Variants in TOX3 observed in about 807,000 individuals in gnomAD.
TOX3 encodes CAG trinucleotide repeat-containing gene F9 protein.
A neutral mutation model predicts 64.3 loss-of-function variants in TOX3; 22 were observed. That is an observed-to-expected ratio of 0.34 (90% confidence interval 0.24 to 0.49). The LOEUF (loss-of-function observed/expected upper bound fraction) is 0.49. Among genes scored for constraint, TOX3 ranks in the 20% least tolerant of loss-of-function variants. TOX3 has a pLI of 0.99. For missense variants in TOX3, 661 were observed against 714.4 expected, an observed-to-expected ratio of 0.93 and a Z score of 0.85; for synonymous variants, 291 against 273.6, an observed-to-expected ratio of 1.06 and a Z score of -0.63.
rs745337464 is a variant in TOX3 at position 52,464,114 on chromosome 16, G to A, written c.228C>T (p.Asp76=). 1 of 1,595,104 alleles carries A rather than the reference G, an allele frequency of 6.3e-7. No homozygotes were observed. The highest frequency in any genetic ancestry group is 1.8e-5 in the Admixed American group (1 of 56,954). The change falls in exon 3 of 7, where the codon GAC becomes GAT. Residue 76 remains aspartate, a synonymous_variant. Coordinates refer to ENST00000219746, the MANE Select transcript of TOX3 (RefSeq NM_001080430.4). ...GTACATCCGGCATGCCTAGGGCAGG[G>A]TCTGACTCTGGAGGAGGCGTGATTG... ...IPPITPPPES[D]PALGMPDVLL... is the part of the protein sequence containing the mutation.
At chr16:52,480,047 G>A (rs1397400380) in intron 1 of TOX3, among the ~76,000 whole-genome samples, 2 of 152,164 alleles carry the variant, frequency 1.3e-5, no homozygotes, top group African/African-American at 4.8e-5. Context: ...TCCCATTTCA[G>A]TGTCTGTCTC....
chr16:52,452,367 T>C (rs1196173006), intron 3 of TOX3, among the ~76,000 whole-genome samples: 2 of 152,306 alleles, frequency 1.3e-5, no homozygotes, highest in East Asian at 1.9e-4. Context: ...GATAGATTGC[T>C]GAGAACAATG....
chr16:52,469,286 G>A (rs149563876), intron 1 of TOX3, among the ~76,000 whole-genome samples: 4 of 152,264 alleles, frequency 2.6e-5, no homozygotes, highest in South Asian at 4.1e-4. Context: ...AAATAAGACC[G>A]TATCAGCATT....
intron 1 of TOX3, among the ~76,000 whole-genome samples, chr16:52,531,651 T>C (rs548257637): frequency 2.6e-4 from 40 of 152,288 alleles, no homozygotes; most frequent in African/African-American, 9.4e-4. Context: ...TAAAAAATTA[T>C]AAATAATAGC....
chr16:52,467,959 T>C (rs1960918225), intron 2 of TOX3, among the ~76,000 whole-genome samples: 1 of 152,182 alleles, frequency 6.6e-6, no homozygotes, highest in South Asian at 2.1e-4. Context: ...TAAATATTTA[T>C]TGAGCACCTA....
At chr16:52,459,291 A>C (rs187952306) in intron 3 of TOX3, among the ~76,000 whole-genome samples, 1 of 152,202 alleles carries the variant, frequency 6.6e-6, no homozygotes. Context: ...CCTGAGTGAC[A>C]GAGTAAGATC....
chr16:52,523,068 C>T lies in TOX3; in HGVS notation c.87+23569G>A, dbSNP rs186690938. On this transcript the variant is annotated intron_variant, in intron 1 of 6. Coordinates refer to ENST00000219746, the MANE Select transcript of TOX3 (RefSeq NM_001080430.4). ...AGGGAATGTTGAATGGTAGTAAGTG[C>T]CTGGAGAAAACGGAAGCAAGGCAGG... Among the ~76,000 whole-genome samples the T allele has an allele frequency of 3.4e-4, 51 of 152,192 alleles. 1 individual carries two copies. Among genetic ancestry groups the T allele is most frequent in the African/African-American group, 1.2e-3 (50 of 41,506 alleles).
intron 1 of TOX3, among the ~76,000 whole-genome samples, chr16:52,517,992 T>C (rs910712298): frequency 3.9e-5 from 6 of 152,090 alleles, no homozygotes; most frequent in Non-Finnish European, 7.4e-5. Context: ...AGATGGAGTA[T>C]ACTAAATACA....
chr16:52,522,698 A>T (rs1962637021), intron 1 of TOX3, among the ~76,000 whole-genome samples: 2 of 152,272 alleles, frequency 1.3e-5, no homozygotes, highest in South Asian at 2.1e-4. Flanking sequence ...CAACAGGGAG[A>T]GTCCCAGGAA....
At chr16:52,535,362 C>CAT (rs1962925496) in intron 1 of TOX3, among the ~76,000 whole-genome samples, 1 of 152,168 alleles carries the variant, frequency 6.6e-6, no homozygotes, top group African/African-American at 2.4e-5. Flanking sequence ...GAGATATAAG[C>CAT]AAAGTGGCAT....
intron 1 of TOX3, among the ~76,000 whole-genome samples, chr16:52,519,794 C>CA (rs78537663): frequency 3.9e-4 from 58 of 147,306 alleles, no homozygotes; most frequent in African/African-American, 7.4e-4. Context: ...CTTATCTCTA[C>CA]AAAAAAAAAA....
intron 1 of TOX3, among the ~76,000 whole-genome samples, chr16:52,533,814 G>A (rs1234847678): frequency 1.3e-5 from 2 of 152,176 alleles, no homozygotes; most frequent in Non-Finnish European, 2.9e-5. Context: ...AGACATCTGG[G>A]CACATTTGAA....
chr16:52,452,200 A>G (rs1960371427), intron 3 of TOX3, among the ~76,000 whole-genome samples: 1 of 152,214 alleles, frequency 6.6e-6, no homozygotes, highest in African/African-American at 2.4e-5. Context: ...TTACATTATA[A>G]GGGGTAGAAT....
At chr16:52,506,553 T>G (rs1475091504) in intron 1 of TOX3, among the ~76,000 whole-genome samples, 1 of 150,732 alleles carries the variant, frequency 6.6e-6, no homozygotes, top group Non-Finnish European at 1.5e-5. Context: ...AGAAGGGGGG[T>G]TTCTAGACAG....
At chr16:52,521,079 T>C (rs1228116217) in intron 1 of TOX3, among the ~76,000 whole-genome samples, 1 of 152,198 alleles carries the variant, frequency 6.6e-6, no homozygotes, top group Non-Finnish European at 1.5e-5. Flanking sequence ...GGGTCCTGTA[T>C]GATCTCCTCC....
intron 1 of TOX3, among the ~76,000 whole-genome samples, chr16:52,525,888 C>T (rs983321004): frequency 1.3e-5 from 2 of 152,078 alleles, no homozygotes; most frequent in African/African-American, 2.4e-5. Context: ...TACTTGTTAC[C>T]GTTTTTAAAT....
chr16:52,509,099 C>T (rs1440402322), intron 1 of TOX3, among the ~76,000 whole-genome samples: 2 of 152,126 alleles, frequency 1.3e-5, no homozygotes, highest in Admixed American at 6.5e-5. Flanking sequence ...GTTGCAAATA[C>T]AAATAAATGC....
At chr16:52,460,486 A>T (rs182181726) in intron 3 of TOX3, among the ~76,000 whole-genome samples, 6 of 152,194 alleles carry the variant, frequency 3.9e-5, no homozygotes. Flanking sequence ...TTTTCATTCA[A>T]TCAGCACTAC....
intron 4 of TOX3, among the ~76,000 whole-genome samples, chr16:52,447,117 C>T (rs998417650): frequency 1.3e-5 from 2 of 152,116 alleles, no homozygotes; most frequent in Non-Finnish European, 2.9e-5. Flanking sequence ...CCATACTCAC[C>T]AGCTACCACC....
Sources: allele counts gnomAD v4.1 joint callset (sites outside exome capture counted in the v4.1 genomes callset), GRCh38; gene constraint gnomAD v4.1.1; transcripts MANE v1.5; gene names NCBI Gene and HGNC (gene_info 2026-07-23, HGNC 2026-07-21).